The following ZFAND3 variants were observed in gnomAD, a reference collection of about 807,000 sequenced individuals.
ZFAND3 encodes the protein zinc finger AN1-type containing 3.
In ZFAND3, 10 loss-of-function variants were observed where a neutral mutation model predicts 29.6. That is an observed-to-expected ratio of 0.34 (90% CI 0.21 to 0.57). The LOEUF is 0.57. Ranked by LOEUF, ZFAND3 falls within the 20% of genes least tolerant of loss-of-function variation. The pLI, the probability that ZFAND3 is intolerant of heterozygous loss-of-function variation, is 0.86. For synonymous variants in ZFAND3, 128 were observed against 112.6 expected (o/e 1.14, Z -0.87); for missense variants, 230 against 304.5 (o/e 0.76, Z 1.82).
At chr6:38,148,825 C>T (rs1766162701) in intron 5 of ZFAND3, among the ~76,000 whole-genome samples, 1 of 152,178 alleles carries the variant, frequency 6.6e-6, no homozygotes, top group Admixed American at 6.5e-5. Flanking sequence ...ATAATACCTG[C>T]TCAGCATTTG....
chr6:37,919,963 C>G (rs141800198), intron 1 of ZFAND3, among the ~76,000 whole-genome samples: 24 of 151,888 alleles, frequency 1.6e-4, no homozygotes, highest in South Asian at 6.3e-4. Flanking sequence ...ACTCTACATT[C>G]CTCTTTTGAA....
At chr6:37,923,867 A>T (rs994871865) in intron 1 of ZFAND3, among the ~76,000 whole-genome samples, 1 of 152,244 alleles carries the variant, frequency 6.6e-6, no homozygotes, top group African/African-American at 2.4e-5. Context: ...AACACCTGTG[A>T]ACATACCATA....
intron 2 of ZFAND3, among the ~76,000 whole-genome samples, chr6:37,943,143 A>G (rs1041002689): frequency 6.6e-6 from 1 of 152,170 alleles, no homozygotes; most frequent in African/African-American, 2.4e-5. Flanking sequence ...AGGCCAGTTA[A>G]TTGGACTAAG....
chr6:38,075,532 T>G (rs1764535149), intron 3 of ZFAND3, among the ~76,000 whole-genome samples: 1 of 152,208 alleles, frequency 6.6e-6, no homozygotes, highest in Non-Finnish European at 1.5e-5. Context: ...GGAAAGTGGT[T>G]TCTTGAGATG....
chr6:38,031,849 G>A (rs1190452150), intron 2 of ZFAND3, among the ~76,000 whole-genome samples: 4 of 69,504 alleles, frequency 5.8e-5, no homozygotes, highest in East Asian at 7.8e-4. Flanking sequence ...CCCGCCCCAC[G>A]CTGTCCCAGG....
intron 2 of ZFAND3, among the ~76,000 whole-genome samples, chr6:37,957,533 A>C (rs1762105957): frequency 6.6e-6 from 1 of 152,150 alleles, no homozygotes; most frequent in Non-Finnish European, 1.5e-5. Flanking sequence ...ACAGTGTAAT[A>C]AAATATATTG....
At chr6:38,039,861 G>T (rs1379926471) in intron 2 of ZFAND3, among the ~76,000 whole-genome samples, 1 of 152,120 alleles carries the variant, frequency 6.6e-6, no homozygotes, top group Non-Finnish European at 1.5e-5. Context: ...GGTGGACCAA[G>T]TGGTTATTAG....
At chr6:38,054,546 A>T (rs113197125) in intron 2 of ZFAND3, among the ~76,000 whole-genome samples, 87 of 152,160 alleles carry the variant, frequency 5.7e-4, no homozygotes, top group Non-Finnish European at 8.1e-4. Flanking sequence ...AATTTTTTTT[A>T]AAAAAGAAGA....
At chr6:37,935,845 A>C (rs1182269416) in intron 2 of ZFAND3, among the ~76,000 whole-genome samples, 1 of 152,150 alleles carries the variant, frequency 6.6e-6, no homozygotes, top group East Asian at 1.9e-4. Flanking sequence ...GTCAGTTCTG[A>C]GCTGTTGAGT....
chr6:37,985,141 A>G (rs1762644459), intron 2 of ZFAND3, among the ~76,000 whole-genome samples: 1 of 152,140 alleles, frequency 6.6e-6, no homozygotes, highest in African/African-American at 2.4e-5. Context: ...GAGGAATGTG[A>G]TACTCAAGGG....
At chr6:37,870,980 A>T (rs892832296) in intron 1 of ZFAND3, among the ~76,000 whole-genome samples, 2 of 152,122 alleles carry the variant, frequency 1.3e-5, no homozygotes, top group East Asian at 3.8e-4. Context: ...TGTCCTGCTT[A>T]TGTTTCATTG....
chr6:37,994,839 G>A (rs1475897443), intron 2 of ZFAND3, among the ~76,000 whole-genome samples: 2 of 152,138 alleles, frequency 1.3e-5, no homozygotes, highest in Non-Finnish European at 2.9e-5. Context: ...TTCATCTTTA[G>A]TGGCTAGATA....
At chr6:38,054,218 CAAAA>C (rs34198332) in intron 2 of ZFAND3, among the ~76,000 whole-genome samples, 1 of 112,046 alleles carries the variant, frequency 8.9e-6, no homozygotes, top group Non-Finnish European at 1.8e-5. Flanking sequence ...CCATCTCTAT[CAAAA>C]AAAAAAAAAA....
At chr6:38,035,352 T>A (rs1763637937) in intron 2 of ZFAND3, among the ~76,000 whole-genome samples, 1 of 152,178 alleles carries the variant, frequency 6.6e-6, no homozygotes, top group African/African-American at 2.4e-5. Flanking sequence ...TAACAAAGGG[T>A]TCCCTCCTTA....
chr6:37,974,577 G>A (rs977892560), intron 2 of ZFAND3, among the ~76,000 whole-genome samples: 1 of 151,998 alleles, frequency 6.6e-6, no homozygotes, highest in South Asian at 2.1e-4. Flanking sequence ...GATAATTTTT[G>A]TAGAGATAGG....
intron 2 of ZFAND3, among the ~76,000 whole-genome samples, chr6:38,026,979 A>C (rs1004395347): frequency 6.6e-6 from 1 of 152,124 alleles, no homozygotes; most frequent in Admixed American, 6.5e-5. Context: ...AGATTTACTG[A>C]CTTTTTTTGG....
At chr6:37,952,076 T>A (rs1164576224) in intron 2 of ZFAND3, among the ~76,000 whole-genome samples, 5 of 152,208 alleles carry the variant, frequency 3.3e-5, no homozygotes, top group Non-Finnish European at 7.3e-5. Context: ...GTGGATTAGC[T>A]TTATGATATG....
rs769496765 is a variant in ZFAND3 at position 38,116,609 on chromosome 6, G to A, written c.399G>A (p.Arg133=). The change falls in exon 5 of 6, where the codon CGG becomes CGA. Residue 133 remains arginine (R), a synonymous_variant. Transcript: ENST00000287218. Reference sequence around the variant, plus strand: ...AGAATGAGGCTTCACCAGTAAAACGGCCACGACTACTTGAGAATACGGAAC... The same window carrying A: ...AGAATGAGGCTTCACCAGTAAAACGACCACGACTACTTGAGAATACGGAAC... The part of the protein sequence containing the change: ...QSENEASPVK[R]PRLLENTERS... The A allele has an allele frequency of 1.2e-6, 2 of 1,613,634 alleles. No individual in the cohort carries two copies. Among genetic ancestry groups the A allele is most frequent in the Admixed American group, 1.7e-5 (1 of 59,998 alleles).
intron 2 of ZFAND3, among the ~76,000 whole-genome samples, chr6:38,023,667 C>G (rs1763392778): frequency 6.6e-6 from 1 of 152,104 alleles, no homozygotes; most frequent in Admixed American, 6.6e-5. Context: ...AATGTAAGAG[C>G]AGTTTCATAC....
Sources: allele counts gnomAD v4.1 joint callset (sites outside exome capture counted in the v4.1 genomes callset), GRCh38; gene constraint gnomAD v4.1.1; transcripts MANE v1.5; gene names NCBI Gene and HGNC (gene_info 2026-07-23, HGNC 2026-07-21).